Variants in SBNO1 observed in about 807,000 individuals in gnomAD.
SBNO1 encodes the protein protein strawberry notch homolog 1.
SBNO1 carries 23 observed loss-of-function variants against 173.6 expected under a neutral mutation model. The observed-to-expected ratio is 0.13, with a 90% CI of 0.10 to 0.19. The LOEUF is 0.19. SBNO1 is among the 10% of genes least tolerant of loss of function. The pLI is 1.00. For synonymous variants in SBNO1, 632 were observed against 571.5 expected, an observed-to-expected ratio of 1.11 and a Z score of -1.51; for missense variants, 1,238 against 1,671.2, an observed-to-expected ratio of 0.74 and a Z score of 4.52.
intron 1 of SBNO1, among the ~76,000 whole-genome samples, chr12:123,362,409 C>G (rs1183284055): frequency 7.1e-6 from 1 of 140,102 alleles, no homozygotes; most frequent in Non-Finnish European, 1.5e-5. Context: ...GCACTCCAGC[C>G]TGGGCCACTG....
intron 30 of SBNO1, among the ~76,000 whole-genome samples, chr12:123,299,694 AAAAAAC>A (rs1434304516): frequency 2.7e-5 from 4 of 150,832 alleles, no homozygotes; most frequent in East Asian, 3.9e-4. Context: ...AAAAAAAAAA[AAAAAAC>A]AAAAAAGCCA....
chr12:123,344,990 C>T (rs1016243715), intron 4 of SBNO1, among the ~76,000 whole-genome samples: 5 of 152,152 alleles, frequency 3.3e-5, no homozygotes, highest in Non-Finnish European at 7.3e-5. Context: ...TAACTGACTA[C>T]CTATAATATA....
chr12:123,333,421 C>T (rs1324447655), intron 7 of SBNO1, among the ~76,000 whole-genome samples: 4 of 152,166 alleles, frequency 2.6e-5, no homozygotes, highest in African/African-American at 7.2e-5. Context: ...CAACAAATAT[C>T]ATTCTGCATA....
chr12:123,348,037 T>G lies in SBNO1; in HGVS notation c.229A>C (p.Asn77His). Residue 77 changes from asparagine (N) to histidine (H), a missense_variant, in exon 3 of 32, where the codon AAT becomes CAT. Asn to His is a moderately conservative substitution (Grantham distance 68). This residue lies in a region of SBNO1 where 287 missense variants were observed against 274.1 expected (regional missense o/e 1.05). Transcript: ENST00000602398. The stretch of plus-strand genomic sequence containing the variant: ...ATCTAAATCATTCTTACCCTCACAT[T>G]TAATAGTGCTGGAGTAGGTACAGTC... ...PETVPTPALL[N>H]VRQQPPSTTT... The G allele has an allele frequency of 6.3e-7, 1 of 1,589,866 alleles. No individual in the cohort carries two copies. The highest frequency in any genetic ancestry group is 8.6e-7 in the Non-Finnish European group (1 of 1,159,252).
chr12:123,306,210 TAGAGG>T (rs759930760), intron 28 of SBNO1, among the ~76,000 whole-genome samples: 47 of 152,194 alleles, frequency 3.1e-4, no homozygotes, highest in Non-Finnish European at 5.1e-4. Context: ...AACCTATACT[TAGAGG>T]ATAGTGTTTA....
intron 16 of SBNO1, 97 bp from the exon 17 acceptor site, chr12:123,321,829 T>C (rs1870008418): frequency 2.9e-6 from 3 of 1,029,670 alleles, no homozygotes; most frequent in Non-Finnish European, 1.5e-6. Flanking sequence ...AAATGAAAAG[T>C]GCAGAGGAAA....
At chr12:123,335,685 A>C (rs537292190) in intron 6 of SBNO1, among the ~76,000 whole-genome samples, 1 of 152,204 alleles carries the variant, frequency 6.6e-6, no homozygotes, top group Non-Finnish European at 1.5e-5. Flanking sequence ...ACCAATAAAC[A>C]TGTCTATGTT....
At chr12:123,347,768 CAA>C (rs1442660311) in intron 3 of SBNO1, among the ~76,000 whole-genome samples, 1 of 151,950 alleles carries the variant, frequency 6.6e-6, no homozygotes, top group Admixed American at 6.6e-5. Context: ...CTCCTGACCT[CAA>C]GTGATCCACC....
At chr12:123,310,926 C>G (rs989742568) in intron 25 of SBNO1, 129 bp downstream of exon 25, 3 of 672,244 alleles carry the variant, frequency 4.5e-6, no homozygotes, top group Non-Finnish European at 7.9e-6. Flanking sequence ...ACACATACCC[C>G]ACAGCAGCCA....
chr12:123,298,865 G>C (rs2048689172), intron 30 of SBNO1, among the ~76,000 whole-genome samples: 1 of 151,756 alleles, frequency 6.6e-6, no homozygotes, highest in Non-Finnish European at 1.5e-5. Context: ...TGAGGAGGGA[G>C]TATTGTTCGA....
intron 2 of SBNO1, among the ~76,000 whole-genome samples, chr12:123,349,914 G>GAA (rs879915885): frequency 7.1e-6 from 1 of 141,304 alleles, no homozygotes. Context: ...CTCCGTCTCA[G>GAA]AAAAAAAAAA....
intron 1 of SBNO1, 187 bp downstream of exon 1, chr12:123,364,514 G>A (rs1469043269): frequency 1.0e-6 from 1 of 983,784 alleles, no homozygotes; most frequent in Non-Finnish European, 1.2e-6. Flanking sequence ...AGCCGCCGTC[G>A]GGAACATGCC....
chr12:123,302,161 G>A (rs753414521), intron 30 of SBNO1, among the ~76,000 whole-genome samples: 2 of 151,020 alleles, frequency 1.3e-5, no homozygotes, highest in Non-Finnish European at 2.9e-5. Flanking sequence ...TCGAACTCCC[G>A]ACCTTAGATT....
At position 123,292,695 on chromosome 12, in the gene SBNO1, T is replaced by C. The variant is rs2048528998; in HGVS notation, c.*3213A>G. ...TCAAAAAGGCTTCTGAAGTGCTGAG[T>C]TAGAATAAATATATATAGATACATA... is the stretch of plus-strand genomic sequence containing the variant. On this transcript the variant is annotated 3_prime_UTR_variant, in exon 32 of 32. Coordinates refer to ENST00000602398, the MANE Select transcript of SBNO1 (RefSeq NM_001167856.3). 2 of 152,108 alleles carry C rather than the reference T, an allele frequency of 1.3e-5. No homozygotes were observed. The highest frequency in any genetic ancestry group is 1.3e-4 in the Admixed American group (2 of 15,262). The allele number at this position is 152,108 out of a possible 1,614,324, so 9.4% of individuals were successfully genotyped here.
intron 7 of SBNO1, among the ~76,000 whole-genome samples, chr12:123,333,636 A>G (rs908973031): frequency 2.6e-5 from 4 of 151,738 alleles, no homozygotes; most frequent in Admixed American, 2.6e-4. Context: ...AACTGGGACT[A>G]CAGGTGCGTG....
chr12:123,339,371 C>T (rs900575018), intron 5 of SBNO1, among the ~76,000 whole-genome samples: 3 of 151,998 alleles, frequency 2.0e-5, no homozygotes, highest in African/African-American at 7.3e-5. Flanking sequence ...CTCTCTTTTG[C>T]CTACTCCTAC....
chr12:123,363,942 T>C, intron 1 of SBNO1: 3 of 985,486 alleles, frequency 3.0e-6, no homozygotes, highest in Non-Finnish European at 3.6e-6. Flanking sequence ...AAACCACTTC[T>C]GGGAAACCAC....
chr12:123,360,153 G>A lies in SBNO1; in HGVS notation c.-1+4548C>T, dbSNP rs111846306. On this transcript the variant is annotated intron_variant, in intron 1 of 31. Transcript: ENST00000602398. ...CCAGCTACTTGGGAGGCTGAGGCAGGAGAATCGCTTGAATCTGGGAGGCGG... is the reference window on the plus strand; with the variant it reads ...CCAGCTACTTGGGAGGCTGAGGCAGAAGAATCGCTTGAATCTGGGAGGCGG... Among the ~76,000 whole-genome samples, 742 of 152,026 alleles carry A rather than the reference G, an allele frequency of 4.9e-3. 10 individuals are homozygous for A. Among genetic ancestry groups the A allele is most frequent in the African/African-American group, 0.017 (704 of 41,478 alleles).
rs2048509119 is a variant in SBNO1 at position 123,291,409 on chromosome 12, AG to A, written c.*4498del. 6.6e-6 allele frequency: 1 copy of A among 152,182 alleles called. No individual in the cohort carries two copies. The allele number at this position is 152,182 out of a possible 1,614,324, so 9.4% of individuals were successfully genotyped here. A position where few individuals can be genotyped will look rare whatever the true frequency, so the allele number is the denominator to read the frequency against. Reference sequence around the variant, plus strand: ...TGAAGAAGTTAGAGGAGCTTAAAGAAGTCTCAGGAAGCATTTTTTAAAATGT... The same window carrying A: ...TGAAGAAGTTAGAGGAGCTTAAAGAATCTCAGGAAGCATTTTTTAAAATGT... On this transcript the variant is annotated 3_prime_UTR_variant, in exon 32 of 32. Transcript: ENST00000602398.
Sources: gnomAD v4.1 joint callset for allele counts (sites outside exome capture counted in the v4.1 genomes callset) on GRCh38, gnomAD v4.1.1 for gene constraint, gnomAD v4.1.1 regional missense constraint, MANE v1.5 for transcripts, NCBI Gene and HGNC (gene_info 2026-07-23, HGNC 2026-07-21) for gene names.